The following ETF1 variants were observed in gnomAD, a reference collection of about 807,000 sequenced individuals.
ETF1 encodes eukaryotic peptide chain release factor subunit 1.
In ETF1, 4 loss-of-function variants were observed where a neutral mutation model predicts 55.1. The observed-to-expected ratio is 0.07, with a 90% CI of 0.04 to 0.17. The LOEUF (loss-of-function observed/expected upper bound fraction) is 0.17, where lower values mean the gene tolerates loss of function less well. Ranked by LOEUF, ETF1 falls within the 10% of genes least tolerant of loss-of-function variation. The probability of loss-of-function intolerance (pLI) is 1.00; values close to 1 mark genes in which losing one functional copy is unlikely to be tolerated. For synonymous variants in ETF1, 157 were observed against 182.3 expected (o/e 0.86, Z 1.12); for missense variants, 142 against 523.6 (o/e 0.27, Z 7.11).
intron 2 of ETF1, among the ~76,000 whole-genome samples, chr5:138,523,828 A>G (rs1765337087): frequency 6.6e-6 from 1 of 152,130 alleles, no homozygotes; most frequent in Non-Finnish European, 1.5e-5. Flanking sequence ...GCACTTTGGG[A>G]GGCTTGAGGC....
chr5:138,524,370 C>T (rs1420357549), intron 2 of ETF1, among the ~76,000 whole-genome samples: 1 of 151,050 alleles, frequency 6.6e-6, no homozygotes, highest in African/African-American at 2.4e-5. Flanking sequence ...AACCAAAAAC[C>T]AAAAAAATAT....
intron 2 of ETF1, among the ~76,000 whole-genome samples, chr5:138,520,507 T>C (rs900926248): frequency 2.0e-5 from 3 of 152,104 alleles, no homozygotes; most frequent in Non-Finnish European, 4.4e-5. Flanking sequence ...TCAAGAAATA[T>C]CTCATCGGAA....
intron 2 of ETF1, among the ~76,000 whole-genome samples, chr5:138,536,683 T>A (rs1284586314): frequency 6.6e-6 from 1 of 152,196 alleles, no homozygotes; most frequent in Admixed American, 6.5e-5. Flanking sequence ...GTTGAACAGA[T>A]CCAGCAGTGG....
At chr5:138,541,746 T>G in intron 2 of ETF1, 2 of 341,842 alleles carry the variant, frequency 5.9e-6, no homozygotes, top group Non-Finnish European at 8.4e-6. Flanking sequence ...TATGTAATAA[T>G]GTTCCAAACA....
chr5:138,527,763 G>A (rs1765537568), intron 2 of ETF1, among the ~76,000 whole-genome samples: 1 of 151,978 alleles, frequency 6.6e-6, no homozygotes, highest in African/African-American at 2.4e-5. Context: ...GGGTTTGTAG[G>A]AAGTTCTTTC....
In ETF1 at chr5:138,523,388, G is replaced by C. The variant is rs145543293; in HGVS notation, c.87-4521C>G. Among the ~76,000 whole-genome samples, 532 of 152,078 alleles carry C rather than the reference G, an allele frequency of 3.5e-3. 4 individuals carry two copies. Among genetic ancestry groups the C allele is most frequent in the African/African-American group, 0.012 (489 of 41,482 alleles). ...TCTCAAGGAAAAAACAAAAAAATTA[G>C]CCGAGCGTGGTGGCATGTGCCTGTA... On this transcript the variant is annotated intron_variant, in intron 2 of 10. Transcript: ENST00000360541.
rs899246233 is a variant in ETF1 at position 138,507,311 on chromosome 5, CT to C, written c.*993del. 1.2e-4 allele frequency: 18 copies of C among 152,580 alleles called. No individual in the cohort carries two copies. The highest frequency in any genetic ancestry group is 3.4e-4 in the African/African-American group (14 of 41,432). The allele number at this position is 152,580 out of a possible 1,614,324, so 9.5% of individuals were successfully genotyped here. ...CATGTCTGTCGTTCCTGTGAAAAAC[CT>C]TGCAGTTCATTTTAATAAATCAAAA... On this transcript the variant is annotated 3_prime_UTR_variant, in exon 11 of 11. Transcript: ENST00000360541.
chr5:138,538,827 G>C (rs764051341), intron 2 of ETF1, among the ~76,000 whole-genome samples: 4 of 152,040 alleles, frequency 2.6e-5, no homozygotes, highest in Admixed American at 6.6e-5. Context: ...TAAGCAATCT[G>C]TTCATATTAA....
At chr5:138,511,983 A>T (rs1423474522) in intron 6 of ETF1, 4 of 674,154 alleles carry the variant, frequency 5.9e-6, no homozygotes, top group Non-Finnish European at 7.3e-6. Context: ...AGACAGCTTG[A>T]GTCCAGGAAT....
chr5:138,521,462 CATGTT>C (rs1387051635), intron 2 of ETF1, among the ~76,000 whole-genome samples: 1 of 152,240 alleles, frequency 6.6e-6, no homozygotes, highest in Non-Finnish European at 1.5e-5. Context: ...TGGTAAACTT[CATGTT>C]ATGTATTTTT....
At chr5:138,524,727 G>A (rs572292876) in intron 2 of ETF1, among the ~76,000 whole-genome samples, 13 of 151,598 alleles carry the variant, frequency 8.6e-5, no homozygotes, top group African/African-American at 2.9e-4. Flanking sequence ...ACAGGCACAC[G>A]CCATCACACC....
chr5:138,534,104 A>T (rs531076673), intron 2 of ETF1, among the ~76,000 whole-genome samples: 1 of 152,232 alleles, frequency 6.6e-6, no homozygotes, highest in Non-Finnish European at 1.5e-5. Flanking sequence ...CCAAGACCGG[A>T]ACTTACTGAG....
intron 1 of ETF1, 73 bp from the exon 2 acceptor site, chr5:138,543,009 C>G: frequency 7.2e-7 from 1 of 1,383,512 alleles, no homozygotes; most frequent in Non-Finnish European, 1.0e-6. Context: ...AGAGCGGCCC[C>G]CTTCCTCGCC....
intron 2 of ETF1, among the ~76,000 whole-genome samples, chr5:138,540,398 A>C (rs564991372): frequency 6.6e-6 from 1 of 152,238 alleles, no homozygotes; most frequent in Admixed American, 6.5e-5. Context: ...AAGTCTTTAA[A>C]GCCCATTACA....
intron 4 of ETF1, among the ~76,000 whole-genome samples, chr5:138,515,285 C>T (rs1764972689): frequency 6.6e-6 from 1 of 152,070 alleles, no homozygotes; most frequent in South Asian, 2.1e-4. Flanking sequence ...ATTAGTTGGG[C>T]GTGGTGGTGC....
rs71574422 is a variant in ETF1 at position 138,511,403 on chromosome 5, TACACACACAC to T, written c.862+62_862+71del. On this transcript the variant is annotated intron_variant, in intron 7 of 10. Transcript: ENST00000360541. ...AATCACGTACATACACACACACACATACACACACACACACACACACACACACACACGAAAA... is the reference window on the plus strand; with the variant it reads ...AATCACGTACATACACACACACACATACACACACACACACACACACGAAAA... 511 of 968,192 alleles carry T rather than the reference TACACACACAC, an allele frequency of 5.3e-4. 2 individuals are homozygous for T. The African/African-American group carries it at 7.7e-3, about 15-fold the overall frequency. The allele number at this position is 968,192 out of a possible 1,614,324, so 60.0% of individuals were successfully genotyped here.
At chr5:138,508,609 C>A in intron 10 of ETF1, 60 bp downstream of exon 10, 1 of 1,603,372 alleles carries the variant, frequency 6.2e-7, no homozygotes, top group Non-Finnish European at 8.5e-7. Flanking sequence ...TAGGGCTAGC[C>A]AGGAGGGACC....
At chr5:138,538,250 C>T (rs1181832869) in intron 2 of ETF1, among the ~76,000 whole-genome samples, 4 of 150,362 alleles carry the variant, frequency 2.7e-5, no homozygotes, top group Non-Finnish European at 4.4e-5. Context: ...AGTGCAGTGG[C>T]GGAATCCCGG....
intron 6 of ETF1, among the ~76,000 whole-genome samples, chr5:138,512,256 ATATTTTTTTTT>A (rs775283816): frequency 0.12 from 2,289 of 18,690 alleles, 147 homozygotes; most frequent in South Asian, 0.18. Context: ...ATATATATAT[ATATTTTTTTTT>A]TTTTTTAAAG....
Sources: gnomAD v4.1 joint callset for allele counts (sites outside exome capture counted in the v4.1 genomes callset) on GRCh38, gnomAD v4.1.1 for gene constraint, MANE v1.5 for transcripts, NCBI Gene and HGNC (gene_info 2026-07-23, HGNC 2026-07-21) for gene names.